Variants in CAMK1D observed in about 807,000 individuals in gnomAD.
CAMK1D encodes calcium/calmodulin-dependent protein kinase type 1D.
Under a neutral mutation model 47.7 loss-of-function variants are expected in CAMK1D, and 9 were observed. The observed-to-expected ratio is 0.19, with a 90% confidence interval of 0.11 to 0.33. The LOEUF (loss-of-function observed/expected upper bound fraction) is 0.33. Ranked by LOEUF, CAMK1D falls within the 10% of genes least tolerant of loss-of-function variation. CAMK1D has a pLI of 1.00. For synonymous variants in CAMK1D, 184 were observed against 184.9 expected (o/e 0.99, Z 0.04); for missense variants, 291 against 488.7 (o/e 0.60, Z 3.81).
chr10:12,570,347 C>T (rs1274495788), intron 2 of CAMK1D, among the ~76,000 whole-genome samples: 6 of 151,916 alleles, frequency 3.9e-5, no homozygotes, highest in African/African-American at 4.8e-5. Context: ...TTGTAGATGC[C>T]GTTAATTTTT....
chr10:12,455,805 G>A (rs1438333811), intron 1 of CAMK1D, among the ~76,000 whole-genome samples: 3 of 152,168 alleles, frequency 2.0e-5, no homozygotes, highest in African/African-American at 7.2e-5. Context: ...CTAGCCCATG[G>A]AGAATATCAT....
intron 2 of CAMK1D, among the ~76,000 whole-genome samples, chr10:12,584,662 A>T (rs543686707): frequency 6.6e-6 from 1 of 152,178 alleles, no homozygotes. Context: ...TCTACAAAAA[A>T]TACAGAAATT....
intron 1 of CAMK1D, among the ~76,000 whole-genome samples, chr10:12,393,936 T>C (rs1054776783): frequency 1.3e-5 from 2 of 152,318 alleles, no homozygotes; most frequent in Middle Eastern, 3.4e-3. Flanking sequence ...AGAATTCACC[T>C]GTGACACTGA....
intron 1 of CAMK1D, among the ~76,000 whole-genome samples, chr10:12,522,196 TTTTTC>T (rs1164679318): frequency 0.015 from 606 of 40,770 alleles, 12 homozygotes; most frequent in Non-Finnish European, 0.022. Context: ...ATTTCCTTTT[TTTTTC>T]TTTTTTTTTT....
chr10:12,449,092 T>C (rs1833005879), intron 1 of CAMK1D, among the ~76,000 whole-genome samples: 1 of 152,220 alleles, frequency 6.6e-6, no homozygotes, highest in Non-Finnish European at 1.5e-5. Context: ...TTATGAAAGA[T>C]TCCAGTTCCT....
At chr10:12,678,133 G>A (rs1446963049) in intron 3 of CAMK1D, among the ~76,000 whole-genome samples, 1 of 152,046 alleles carries the variant, frequency 6.6e-6, no homozygotes, top group Non-Finnish European at 1.5e-5. Context: ...TTTAATGTAA[G>A]CATTTATAGC....
chr10:12,602,644 A>G (rs891136702), intron 2 of CAMK1D, among the ~76,000 whole-genome samples: 2 of 152,160 alleles, frequency 1.3e-5, no homozygotes, highest in Non-Finnish European at 2.9e-5. Context: ...AAGTGCCTCT[A>G]TTTAAATATG....
intron 1 of CAMK1D, among the ~76,000 whole-genome samples, chr10:12,379,492 C>T (rs533267353): frequency 6.6e-6 from 1 of 152,214 alleles, no homozygotes; most frequent in South Asian, 2.1e-4. Context: ...GTGGCTAACG[C>T]CTGTAATCCC....
intron 1 of CAMK1D, among the ~76,000 whole-genome samples, chr10:12,435,464 C>G (rs557683862): frequency 1.3e-4 from 20 of 152,206 alleles, no homozygotes; most frequent in Non-Finnish European, 2.5e-4. Flanking sequence ...CACCTTTGTG[C>G]AACAGGCTGG....
At chr10:12,554,023 C>T (rs551153760) in intron 2 of CAMK1D, among the ~76,000 whole-genome samples, 100 of 152,184 alleles carry the variant, frequency 6.6e-4, no homozygotes, top group African/African-American at 2.2e-3. Flanking sequence ...GTGGAGTTCA[C>T]TGTTTCAGTG....
intron 1 of CAMK1D, among the ~76,000 whole-genome samples, chr10:12,480,553 G>A (rs569122335): frequency 1.6e-4 from 25 of 152,332 alleles, no homozygotes; most frequent in African/African-American, 4.8e-4. Context: ...CTGTGTGTCC[G>A]TTAGGGTCTA....
intron 2 of CAMK1D, among the ~76,000 whole-genome samples, chr10:12,652,449 G>C (rs186012636): frequency 6.7e-6 from 1 of 149,888 alleles, no homozygotes; most frequent in African/African-American, 2.4e-5. Context: ...AAAGCCGGGC[G>C]TGGTGGCGGG....
intron 3 of CAMK1D, among the ~76,000 whole-genome samples, chr10:12,735,711 A>G (rs973168738): frequency 3.3e-5 from 5 of 152,158 alleles, no homozygotes; most frequent in African/African-American, 1.2e-4. Context: ...AAGGAACAGT[A>G]GGCCGAGATA....
chr10:12,811,319 C>G (rs1832598406), intron 6 of CAMK1D, among the ~76,000 whole-genome samples: 3 of 152,090 alleles, frequency 2.0e-5, no homozygotes, highest in Admixed American at 2.0e-4. Context: ...CTCTGTGTAT[C>G]AAGTTAAACA....
At chr10:12,566,235 G>A (rs1837120481) in intron 2 of CAMK1D, among the ~76,000 whole-genome samples, 1 of 152,146 alleles carries the variant, frequency 6.6e-6, no homozygotes, top group African/African-American at 2.4e-5. Flanking sequence ...TAGACAGCGG[G>A]AATAGGGGGA....
chr10:12,467,774 G>T (rs1303421382), intron 1 of CAMK1D, among the ~76,000 whole-genome samples: 1 of 152,264 alleles, frequency 6.6e-6, no homozygotes, highest in African/African-American at 2.4e-5. Flanking sequence ...CCCAGGCTGG[G>T]TTTGTGTAAT....
intron 2 of CAMK1D, among the ~76,000 whole-genome samples, chr10:12,637,563 G>C (rs1839545081): frequency 6.8e-6 from 1 of 147,958 alleles, no homozygotes; most frequent in Non-Finnish European, 1.5e-5. Context: ...ATTTCCCAAG[G>C]TCCCAGGCAG....
At chr10:12,438,305 A>G (rs1195055050) in intron 1 of CAMK1D, among the ~76,000 whole-genome samples, 1 of 152,122 alleles carries the variant, frequency 6.6e-6, no homozygotes, top group African/African-American at 2.4e-5. Flanking sequence ...TTGGAGAAGG[A>G]CCACATGTTA....
chr10:12,357,886 T>TC (rs1837562969), intron 1 of CAMK1D, among the ~76,000 whole-genome samples: 1 of 152,164 alleles, frequency 6.6e-6, no homozygotes, highest in Non-Finnish European at 1.5e-5. Context: ...TCTTTTCTTT[T>TC]TTTTTGGTTT....
Sources: allele counts gnomAD v4.1 joint callset (sites outside exome capture counted in the v4.1 genomes callset), GRCh38; gene constraint gnomAD v4.1.1; transcripts MANE v1.5; gene names NCBI Gene and HGNC (gene_info 2026-07-23, HGNC 2026-07-21).